Variants in RHOQ observed in about 807,000 individuals in gnomAD.
RHOQ encodes ras homolog family member Q.
A neutral mutation model predicts 25.8 loss-of-function variants in RHOQ; 7 were observed. The ratio of observed to expected loss-of-function variants is 0.27; its 90% confidence interval spans 0.15 to 0.51. The LOEUF is 0.51. Ranked by LOEUF, RHOQ falls within the 20% of genes least tolerant of loss-of-function variation. RHOQ has a pLI of 0.97. For synonymous variants in RHOQ, 97 were observed against 98.6 expected (o/e 0.98, Z 0.10); for missense variants, 165 against 260.6 (o/e 0.63, Z 2.53).
rs889804559 is a variant in RHOQ, at chr2:46,583,402, G to A, written c.*2319G>A. ...TTATTCACAGTAATCATTGTTGGAT[G>A]TTACCTTTTCAGCTTCACATTCTCA... On this transcript the variant is annotated 3_prime_UTR_variant, in exon 5 of 5. Coordinates refer to ENST00000238738, the MANE Select transcript of RHOQ (RefSeq NM_012249.4). Among the ~76,000 whole-genome samples the A allele has an allele frequency of 1.3e-5, 2 of 152,076 alleles. No individual in the cohort carries two copies. The highest frequency in any genetic ancestry group is 2.9e-5 in the Non-Finnish European group (2 of 67,972).
At chr2:46,574,054 A>G (rs1669024460) in intron 2 of RHOQ, among the ~76,000 whole-genome samples, 1 of 152,240 alleles carries the variant, frequency 6.6e-6, no homozygotes, top group Non-Finnish European at 1.5e-5. Flanking sequence ...GCAGAGGAAT[A>G]AGAGACTTGG....
In RHOQ at chr2:46,583,557, C is replaced by T. The variant is rs1358988711; in HGVS notation, c.*2474C>T. The stretch of plus-strand genomic sequence containing the variant: ...GGAGTTCCCCATTGCTTATCAAGAG[C>T]TTTTTAATTGCTTTGGTTCTTTAGT... On this transcript the variant is annotated 3_prime_UTR_variant, in exon 5 of 5. Transcript: ENST00000238738. Among the ~76,000 whole-genome samples, 2 of 152,084 alleles carry T rather than the reference C, an allele frequency of 1.3e-5. No individual in the cohort carries two copies. Among genetic ancestry groups the T allele is most frequent in the African/African-American group, 4.8e-5 (2 of 41,436 alleles).
In RHOQ at chr2:46,552,386, G is replaced by A. The variant is rs1241531848; in HGVS notation, c.201+8574G>A. Among the ~76,000 whole-genome samples the A allele has an allele frequency of 6.6e-6, 1 of 152,216 alleles. No individual in the cohort carries two copies. Among genetic ancestry groups the A allele is most frequent in the Admixed American group, 6.5e-5 (1 of 15,286 alleles). On this transcript the variant is annotated intron_variant, in intron 2 of 4. Transcript: ENST00000238738. This position sits in a 1 kb window ranked among gnomAD's most constrained non-coding sequence, Gnocchi z 5.0. ...AGAGAGGGACAGGGAAATGCTGTTT[G>A]GGGGGCTGCCAGGCGGGCCAGCTTT... is the stretch of plus-strand genomic sequence containing the variant.
Position 46,576,593 on chromosome 2 carries a change from A to C in RHOQ, c.399A>C (p.Ala133=), listed in dbSNP as rs749455524. ...IDLRDDPKTL[A]RLNDMKEKPI... ...TCCGAGATGACCCCAAAACTTTAGCAAGACTGAATGATATGAAAGAAAAAC... is the reference window on the plus strand; with the variant it reads ...TCCGAGATGACCCCAAAACTTTAGCCAGACTGAATGATATGAAAGAAAAAC... The change falls in exon 4 of 5, where the codon GCA becomes GCC. Residue 133 remains alanine, a synonymous_variant. Transcript: ENST00000238738. The surrounding 1 kb of genome is among the most constrained non-coding windows in gnomAD (Gnocchi z 5.1). 1 of 1,610,574 alleles carries C rather than the reference A, an allele frequency of 6.2e-7. No individual in the cohort carries two copies. The highest frequency in any genetic ancestry group is 1.3e-5 in the African/African-American group (1 of 74,796).
chr2:46,575,859 TTCATTG>T (rs1368019800), intron 2 of RHOQ, among the ~76,000 whole-genome samples: 1 of 152,224 alleles, frequency 6.6e-6, no homozygotes, highest in Non-Finnish European at 1.5e-5. Flanking sequence ...TTCCAAAGTT[TTCATTG>T]TCATTGTTAA....
rs1669470366 is a variant in RHOQ, at chr2:46,583,475, T to C, written c.*2392T>C. Among the ~76,000 whole-genome samples, 1 of 152,160 alleles carries C rather than the reference T, an allele frequency of 6.6e-6. No individual in the cohort carries two copies. The highest frequency in any genetic ancestry group is 2.4e-5 in the African/African-American group (1 of 41,460). On this transcript the variant is annotated 3_prime_UTR_variant, in exon 5 of 5. Coordinates refer to ENST00000238738, the MANE Select transcript of RHOQ (RefSeq NM_012249.4). ...AGATTATCAGAACTCTAAGCAAAGATGACTGTCACATCTGAAGCTGAGGTG... is the reference window on the plus strand; with the variant it reads ...AGATTATCAGAACTCTAAGCAAAGACGACTGTCACATCTGAAGCTGAGGTG...
chr2:46,566,949 C>T lies in RHOQ; in HGVS notation c.202-9138C>T, dbSNP rs1431810304. Among the ~76,000 whole-genome samples, 1 of 152,160 alleles carries T rather than the reference C, an allele frequency of 6.6e-6. No homozygotes were observed. Among genetic ancestry groups the T allele is most frequent in the Non-Finnish European group, 1.5e-5 (1 of 68,040 alleles). On this transcript the variant is annotated intron_variant, in intron 2 of 4. Transcript: ENST00000238738. This position sits in a 1 kb window ranked among gnomAD's most constrained non-coding sequence, Gnocchi z 4.2. ...ACCTGTCCCAATTTGCATTTATAGT[C>T]ATTTTTGTCCCAATTTGTTCAATGC... is the stretch of plus-strand genomic sequence containing the variant.
At chr2:46,553,632 G>A (rs1668312139) in intron 2 of RHOQ, among the ~76,000 whole-genome samples, 1 of 151,812 alleles carries the variant, frequency 6.6e-6, no homozygotes, top group South Asian at 2.1e-4. Context: ...CCAGGCTGGA[G>A]TGCAGTGGCA....
chr2:46,570,243 C>T (rs1668868558), intron 2 of RHOQ, among the ~76,000 whole-genome samples: 1 of 152,090 alleles, frequency 6.6e-6, no homozygotes, highest in East Asian at 1.9e-4. Context: ...GATTGAGACC[C>T]TCCTGGCTAA....
At position 46,582,317 on chromosome 2, in the gene RHOQ, C is replaced by T. The variant is rs1325919828; in HGVS notation, c.*1234C>T. On this transcript the variant is annotated 3_prime_UTR_variant, in exon 5 of 5. Coordinates refer to ENST00000238738, the MANE Select transcript of RHOQ (RefSeq NM_012249.4). ...GAAAAAAAAGTTGGAGGAAAATTTT[C>T]ATGTTCTTCTGTGAAGCTTATTTGG... is the stretch of plus-strand genomic sequence containing the variant. 2 of 151,470 alleles carry T rather than the reference C, an allele frequency of 1.3e-5. No homozygotes were observed. Among genetic ancestry groups the T allele is most frequent in the Non-Finnish European group, 2.9e-5 (2 of 67,886 alleles). 9.4% of individuals were successfully genotyped at this position (151,470 alleles called of 1,614,324 possible). A position where few individuals can be genotyped will look rare whatever the true frequency, so the allele number is the denominator to read the frequency against.
intron 4 of RHOQ, among the ~76,000 whole-genome samples, chr2:46,579,404 A>G (rs1363958227): frequency 6.6e-6 from 1 of 152,194 alleles, no homozygotes; most frequent in Non-Finnish European, 1.5e-5. Context: ...CTGGATTTCC[A>G]TCTCCAGCCT....
intron 2 of RHOQ, among the ~76,000 whole-genome samples, chr2:46,563,867 G>A (rs1366283605): frequency 6.6e-6 from 1 of 151,884 alleles, no homozygotes; most frequent in Non-Finnish European, 1.5e-5. Flanking sequence ...TGCCCAGGCT[G>A]GTCTCAAACT....
At chr2:46,546,478 A>ATATATATATATATATATATATATATATG (rs1668058948) in intron 2 of RHOQ, among the ~76,000 whole-genome samples, 1 of 11,440 alleles carries the variant, frequency 8.7e-5, no homozygotes, top group Non-Finnish European at 1.6e-4. Flanking sequence ...ATATATGTGT[A>ATATATATATATATATATATATATATATG]TATATATATA....
rs916070560 is a variant in RHOQ, at chr2:46,555,369, T to C, written c.201+11557T>C. On this transcript the variant is annotated intron_variant, in intron 2 of 4. Coordinates refer to ENST00000238738, the MANE Select transcript of RHOQ (RefSeq NM_012249.4). This position sits in a 1 kb window ranked among gnomAD's most constrained non-coding sequence, Gnocchi z 4.3. The stretch of plus-strand genomic sequence containing the variant: ...TCCCTGCAGGACTGCACGTAGCACA[T>C]AGCACTTTGCACAAGTGTTGGGGGC... Among the ~76,000 whole-genome samples, 1 of 152,244 alleles carries C rather than the reference T, an allele frequency of 6.6e-6. No homozygotes were observed. The highest frequency in any genetic ancestry group is 2.4e-5 in the African/African-American group (1 of 41,460).
chr2:46,554,386 C>T (rs1039787291), intron 2 of RHOQ, among the ~76,000 whole-genome samples: 2 of 152,128 alleles, frequency 1.3e-5, no homozygotes, highest in African/African-American at 4.8e-5. Context: ...GCTGTGCGCC[C>T]AGTAGGCTCT....
chr2:46,565,638 T>C (rs1409844808), intron 2 of RHOQ, among the ~76,000 whole-genome samples: 1 of 152,226 alleles, frequency 6.6e-6, no homozygotes, highest in Non-Finnish European at 1.5e-5. Context: ...TGATCCACTT[T>C]CTCAAGCTTT....
intron 2 of RHOQ, among the ~76,000 whole-genome samples, chr2:46,544,596 G>GTCT (rs2103976398): frequency 6.6e-6 from 1 of 152,318 alleles, no homozygotes; most frequent in African/African-American, 2.4e-5. Flanking sequence ...AAGGGCCAAG[G>GTCT]TCTTCTCTCT....
rs191719450 is a variant in RHOQ at position 46,552,172 on chromosome 2, C to T, written c.201+8360C>T. 1.1e-3 allele frequency among the ~76,000 whole-genome samples: 173 copies of T among 152,304 alleles called. No homozygotes were observed. Among genetic ancestry groups the T allele is most frequent in the African/African-American group, 3.7e-3 (154 of 41,568 alleles). ...TGTGTATAGGTGGAACACGTAGGGA[C>T]GGCTGCTAAAACGGCTCCTACAAAG... On this transcript the variant is annotated intron_variant, in intron 2 of 4. Coordinates refer to ENST00000238738, the MANE Select transcript of RHOQ (RefSeq NM_012249.4). The surrounding 1 kb of genome is among the most constrained non-coding windows in gnomAD (Gnocchi z 5.0).
chr2:46,550,058 A>G (rs1668193587), intron 2 of RHOQ, among the ~76,000 whole-genome samples: 2 of 151,688 alleles, frequency 1.3e-5, no homozygotes, highest in South Asian at 4.1e-4. Context: ...AAGACCCCCA[A>G]TTCTACTAAA....
Sources: allele counts gnomAD v4.1 joint callset (sites outside exome capture counted in the v4.1 genomes callset), GRCh38; gene constraint gnomAD v4.1.1; non-coding constraint Gnocchi (gnomAD v3.1); transcripts MANE v1.5; gene names NCBI Gene and HGNC (gene_info 2026-07-23, HGNC 2026-07-21).